The following STK32A variants were observed in gnomAD, a reference collection of about 807,000 sequenced individuals.
The protein encoded by STK32A is serine/threonine kinase 32A.
A neutral mutation model predicts 53.2 loss-of-function variants in STK32A; 41 were observed. The ratio of observed to expected loss-of-function variants is 0.77; its 90% CI spans 0.60 to 1.00. STK32A has a LOEUF of 1.00. Among genes scored for constraint, STK32A ranks in the 50% least tolerant of loss-of-function variants. The pLI is 0.00. For synonymous variants in STK32A, 166 were observed against 162.8 expected (o/e 1.02, Z -0.15); for missense variants, 458 against 485.8 (o/e 0.94, Z 0.54).
the STK32A span, chr5:147,395,652 T>G: frequency 6.2e-7 from 1 of 1,614,006 alleles, no homozygotes. Flanking sequence ...GTGCCACCTT[T>G]GGGGGTGGTG....
At chr5:147,302,360 A>G (rs1000457465) in intron 4 of STK32A, among the ~76,000 whole-genome samples, 1 of 152,192 alleles carries the variant, frequency 6.6e-6, no homozygotes, top group Non-Finnish European at 1.5e-5. Flanking sequence ...CAAGCCCCCC[A>G]GGAAACAGAA....
intron 2 of STK32A, among the ~76,000 whole-genome samples, chr5:147,240,908 G>A (rs1753543381): frequency 6.6e-6 from 1 of 152,178 alleles, no homozygotes; most frequent in East Asian, 1.9e-4. Context: ...ATTCCAGCCA[G>A]TGAGAAAGGT....
intron 9 of STK32A, 134 bp from the exon 10 acceptor site, chr5:147,373,035 A>G (rs917479880): frequency 4.1e-5 from 43 of 1,058,652 alleles, no homozygotes; most frequent in Non-Finnish European, 5.1e-5. Context: ...TACATTGTTT[A>G]TGGGATTAGG....
intron 4 of STK32A, among the ~76,000 whole-genome samples, chr5:147,285,433 A>T (rs964597459): frequency 3.3e-5 from 5 of 152,190 alleles, no homozygotes; most frequent in Non-Finnish European, 5.9e-5. Context: ...CAAATGCAAT[A>T]AAAACAAAGA....
chr5:147,235,952 G>A (rs1313430917), intron 1 of STK32A, among the ~76,000 whole-genome samples: 1 of 152,160 alleles, frequency 6.6e-6, no homozygotes, highest in East Asian at 1.9e-4. Context: ...CATTTTTCAT[G>A]TTTTTGCCCC....
the STK32A span, chr5:147,393,021 TG>T: frequency 6.6e-6 from 1 of 152,184 alleles, no homozygotes; most frequent in Non-Finnish European, 1.5e-5. Context: ...ACAAACTGCC[TG>T]TAAGAGAGGC....
At chr5:147,336,516 C>T (rs545779699) in intron 5 of STK32A, among the ~76,000 whole-genome samples, 2 of 152,244 alleles carry the variant, frequency 1.3e-5, no homozygotes, top group Admixed American at 6.5e-5. Context: ...AATATATATA[C>T]TTACATGGAA....
chr5:147,323,904 C>T lies in STK32A; in HGVS notation c.267C>T (p.Ser89=), dbSNP rs1442179550. Residue 89 remains serine, a synonymous_variant, in exon 5 of 13, where the codon TCC becomes TCT. Transcript: ENST00000397936. ...EHPFLVNLWY[S]FQDEEDMFMV... ...TCTTCTAATGTAATTCCAGGTATTC[C>T]TTCCAAGATGAGGAAGACATGTTCA... is the stretch of plus-strand genomic sequence containing the variant. 13 of 1,612,034 alleles carry T rather than the reference C, an allele frequency of 8.1e-6. No homozygotes were observed. The highest frequency in any genetic ancestry group is 1.0e-5 in the Non-Finnish European group (12 of 1,179,112).
the STK32A span, among the ~76,000 whole-genome samples, chr5:147,401,321 A>G: frequency 0.44 from 67,456 of 151,970 alleles, 15,370 homozygotes; most frequent in East Asian, 0.55. Flanking sequence ...GGTTTTAACT[A>G]CTATTACCAT....
intron 2 of STK32A, among the ~76,000 whole-genome samples, chr5:147,266,242 A>G (rs1754801988): frequency 6.6e-6 from 1 of 152,158 alleles, no homozygotes; most frequent in South Asian, 2.1e-4. Context: ...GGAGTCCACA[A>G]TCTCAGTGGC....
intron 11 of STK32A, among the ~76,000 whole-genome samples, chr5:147,382,252 C>G (rs1757481069): frequency 6.6e-6 from 1 of 152,166 alleles, no homozygotes; most frequent in Non-Finnish European, 1.5e-5. Context: ...AGTTATTGCA[C>G]TTTTCAGCTC....
rs577009063 is a variant in STK32A, at chr5:147,257,250, G to T, written c.52+17564G>T. ...ACAGCATAAAAGCTCTACGTCGGGG[G>T]CGGGGCGGGGGGTAGGACTCTGGGT... is the stretch of plus-strand genomic sequence containing the variant. On this transcript the variant is annotated intron_variant, in intron 2 of 12. Coordinates refer to ENST00000397936, the MANE Select transcript of STK32A (RefSeq NM_001112724.2). Among the ~76,000 whole-genome samples, 3 of 151,866 alleles carry T rather than the reference G, an allele frequency of 2.0e-5. No individual in the cohort carries two copies. In the South Asian group the frequency reaches 6.3e-4, roughly 32 times the overall value.
At chr5:147,287,182 G>A (rs971665217) in intron 4 of STK32A, among the ~76,000 whole-genome samples, 1 of 152,136 alleles carries the variant, frequency 6.6e-6, no homozygotes, top group Non-Finnish European at 1.5e-5. Context: ...CATAATCCAA[G>A]GCATAGAAAA....
chr5:147,265,106 TATATC>T (rs1754746237), intron 2 of STK32A, among the ~76,000 whole-genome samples: 3 of 146,610 alleles, frequency 2.0e-5, no homozygotes, highest in Non-Finnish European at 4.5e-5. Flanking sequence ...TGTATATATA[TATATC>T]TTACAATTAT....
At chr5:147,380,212 T>C (rs1406529934) in intron 11 of STK32A, among the ~76,000 whole-genome samples, 1 of 152,192 alleles carries the variant, frequency 6.6e-6, no homozygotes, top group Non-Finnish European at 1.5e-5. Flanking sequence ...GGGGTAAAAG[T>C]GTTGCTCCAA....
chr5:147,317,287 A>G (rs115555607), intron 4 of STK32A, among the ~76,000 whole-genome samples: 1,543 of 150,458 alleles, frequency 0.01, 10 homozygotes, highest in Non-Finnish European at 0.016. Context: ...TGAAAATACT[A>G]CAGCAAACAT....
chr5:147,379,464 G>A (rs546483091), intron 11 of STK32A, among the ~76,000 whole-genome samples: 1 of 151,982 alleles, frequency 6.6e-6, no homozygotes, highest in Non-Finnish European at 1.5e-5. Flanking sequence ...TCATAGGCTT[G>A]TTCTGAGTAA....
At chr5:147,249,321 A>G (rs1753881410) in intron 2 of STK32A, among the ~76,000 whole-genome samples, 1 of 152,122 alleles carries the variant, frequency 6.6e-6, no homozygotes, top group South Asian at 2.1e-4. Flanking sequence ...TTTTTGTGAG[A>G]ATAAAAAAAT....
At chr5:147,360,333 C>A (rs1466848816) in intron 7 of STK32A, among the ~76,000 whole-genome samples, 1 of 151,316 alleles carries the variant, frequency 6.6e-6, no homozygotes, top group East Asian at 1.9e-4. Flanking sequence ...CACCTGTAGT[C>A]CCAGCTACTT....
Sources: gnomAD v4.1 joint callset for allele counts (sites outside exome capture counted in the v4.1 genomes callset) on GRCh38, gnomAD v4.1.1 for gene constraint, MANE v1.5 for transcripts, NCBI Gene and HGNC (gene_info 2026-07-23, HGNC 2026-07-21) for gene names.